SEMA4G: variants seen among roughly 807,000 people sequenced by gnomAD.
SEMA4G encodes semaphorin 4G.
SEMA4G carries 59 observed loss-of-function variants against 81.2 expected under a neutral mutation model. The ratio of observed to expected loss-of-function variants is 0.73; its 90% CI spans 0.59 to 0.90. The LOEUF (loss-of-function observed/expected upper bound fraction) is 0.90. Among genes scored for constraint, SEMA4G ranks in the 40% least tolerant of loss-of-function variants. SEMA4G has a pLI of 0.00. For missense variants in SEMA4G, 952 were observed against 1,102.3 expected (o/e 0.86, Z 1.93); for synonymous variants, 404 against 433.9 (o/e 0.93, Z 0.86).
exon 14 of SEMA4G, chr10:100,984,229 C>T (rs2133908809): frequency 2.0e-6 from 3 of 1,474,458 alleles, no homozygotes; most frequent in Non-Finnish European, 2.7e-6. Context: ...TCATTACCCC[C>T]ACTCCATACC....
chr10:100,977,505 C>T, intron 3 of SEMA4G, 127 bp from the exon 5 acceptor site: 1 of 743,484 alleles, frequency 1.3e-6, no homozygotes, highest in Non-Finnish European at 2.4e-6. Context: ...TGAGAAGGAT[C>T]ACAGGTATCT....
chr10:100,978,230 C>G lies in SEMA4G; in HGVS notation c.436-65C>G. On this transcript the variant is annotated intron_variant, in intron 4 of 13. Transcript: ENST00000370250. ...CGCTGATCCCTGACCCCAGACTGAT[C>G]TGACTTTGAGCCACTGTCCCTGCCT... 6 of 1,234,416 alleles carry G rather than the reference C, an allele frequency of 4.9e-6. No homozygotes were observed. The South Asian group carries it at 5.1e-5, about 11-fold the overall frequency. The allele number at this position is 1,234,416 out of a possible 1,614,324, so 76.5% of individuals were successfully genotyped here. A position where few individuals can be genotyped will look rare whatever the true frequency, so the allele number is the denominator to read the frequency against.
At chr10:100,979,452 G>A (rs1245955091) in intron 8 of SEMA4G, 181 bp downstream of exon 9, 17 of 1,465,594 alleles carry the variant, frequency 1.2e-5, no homozygotes, top group Middle Eastern at 2.5e-4. Context: ...GCGCGATCTC[G>A]GCTCACTGCA....
At chr10:100,984,756 T>G (rs897779980) in exon 14 of SEMA4G, 19 of 1,535,904 alleles carry the variant, frequency 1.2e-5, no homozygotes, top group African/African-American at 8.2e-5. Flanking sequence ...CCCAGCCCCA[T>G]GTGGTGACCT....
At chr10:100,983,647 T>C (rs752430522) in exon 14 of SEMA4G, 1 of 1,613,716 alleles carries the variant, frequency 6.2e-7, no homozygotes, top group Non-Finnish European at 8.5e-7. Flanking sequence ...CTGCTCTATG[T>C]GCTAGCCATT....
intron 8 of SEMA4G, 101 bp from the exon 10 acceptor site, chr10:100,979,747 T>G (rs1850966920): frequency 7.3e-7 from 1 of 1,369,772 alleles, no homozygotes. Context: ...GGACTATAGC[T>G]GGGGTTGGCC....
chr10:100,974,502 GA>G (rs1359225098), intron 3 of SEMA4G, among the ~76,000 whole-genome samples: 1 of 152,132 alleles, frequency 6.6e-6, no homozygotes, highest in Non-Finnish European at 1.5e-5. Context: ...AACCTCTACA[GA>G]TGCTTACTTA....
At chr10:100,983,530 T>G in exon 14 of SEMA4G, 1 of 1,614,106 alleles carries the variant, frequency 6.2e-7, no homozygotes, top group East Asian at 2.2e-5. Flanking sequence ...GAAAATGGCC[T>G]CCGCACCCTG....
exon 14 of SEMA4G, chr10:100,984,369 C>T: frequency 6.9e-7 from 1 of 1,446,430 alleles, no homozygotes; most frequent in Non-Finnish European, 9.0e-7. Flanking sequence ...TAGGTGCTCC[C>T]TCAGGATCAG....
intron 8 of SEMA4G, 80 bp from the exon 10 acceptor site, chr10:100,979,768 T>G: frequency 2.6e-6 from 4 of 1,552,006 alleles, no homozygotes; most frequent in Non-Finnish European, 2.6e-6. Context: ...AGGGTAACAG[T>G]GAGCTTCAGG....
At chr10:100,971,782 C>T (rs115480496), upstream of SEMA4G, among the ~76,000 whole-genome samples, 810 of 152,234 alleles carry the variant, frequency 5.3e-3, 8 homozygotes, top group African/African-American at 0.018. Flanking sequence ...CAAGATGTGT[C>T]GGGAGGGGCC....
rs375866903 is a variant in SEMA4G at position 100,981,414 on chromosome 10, A to C, written c.1690+185A>C. ...AACATTTACTGCCCAAATGAATTATAAACTAGGAAACATATTTAAGATGTG... is the reference window on the plus strand; with the variant it reads ...AACATTTACTGCCCAAATGAATTATCAACTAGGAAACATATTTAAGATGTG... On this transcript the variant is annotated intron_variant, in intron 13 of 13. Coordinates refer to ENST00000370250, the Ensembl canonical transcript of SEMA4G. The C allele has an allele frequency of 8.1e-6, 13 of 1,613,632 alleles. No individual in the cohort carries two copies. The Admixed American group carries it at 1.8e-4, about 23-fold the overall frequency.
intron 9 of SEMA4G, 60 bp downstream of exon 10, chr10:100,980,052 G>A: frequency 1.2e-6 from 2 of 1,613,694 alleles, no homozygotes; most frequent in Non-Finnish European, 1.7e-6. Context: ...GGGTCAAAGG[G>A]TCTGGCCTTG....
At position 100,972,758 on chromosome 10, in the gene SEMA4G, A is replaced by G. The variant is rs1850668057; in HGVS notation, c.-155A>G. On this transcript the variant is annotated 5_prime_UTR_variant, in exon 1 of 14. It removes an upstream start codon present in the reference 5' UTR. Coordinates refer to ENST00000370250, the Ensembl canonical transcript of SEMA4G. ...CGATTCCAGGACCCCCCATGGCCCC[A>G]TGATTCCTTGACTCCTATGACCTTA... The G allele has an allele frequency of 3.2e-6, 2 of 631,350 alleles. No individual in the cohort carries two copies. Among genetic ancestry groups the G allele is most frequent in the East Asian group, 3.1e-5 (1 of 32,436 alleles). The allele number at this position is 631,350 out of a possible 1,614,324, so 39.1% of individuals were successfully genotyped here. A position where few individuals can be genotyped will look rare whatever the true frequency, so the allele number is the denominator to read the frequency against.
Position 100,983,709 on chromosome 10 carries a change from G to A in SEMA4G, c.2095G>A (p.Ala699Thr), listed in dbSNP as rs887229636. Residue 699 changes from alanine (A) to threonine (T), a missense_variant, in exon 14 of 14, where the codon GCC becomes ACC. Ala to Thr is a moderately conservative substitution (Grantham distance 58). This residue lies in a region of SEMA4G where 385 missense variants were observed against 413.5 expected (regional missense o/e 0.93). Coordinates refer to ENST00000370250, the Ensembl canonical transcript of SEMA4G. ...CCTGGCCTCCTCCCTCCTCTATGTG[G>A]CCTGTCTGCGGGAAGGCAGACGAGG... 15 of 1,613,514 alleles carry A rather than the reference G, an allele frequency of 9.3e-6. No homozygotes were observed. The East Asian group carries it at 3.3e-4, about 36-fold the overall frequency.
chr10:100,970,113 T>C (rs758438827), upstream of SEMA4G, among the ~76,000 whole-genome samples: 4 of 152,194 alleles, frequency 2.6e-5, no homozygotes, highest in Admixed American at 6.5e-5. Flanking sequence ...TTGATCCTGT[T>C]TGAAGGGTCT....
intron 8 of SEMA4G, 100 bp downstream of exon 9, chr10:100,979,371 G>C (rs1850945289): frequency 1.3e-6 from 2 of 1,596,360 alleles, no homozygotes; most frequent in Admixed American, 1.7e-5. Flanking sequence ...GGGGAGGTCT[G>C]GCTGCAAAGT....
exon 14 of SEMA4G, chr10:100,983,954 C>A (rs765317734): frequency 6.4e-7 from 1 of 1,561,240 alleles, no homozygotes; most frequent in East Asian, 2.5e-5. Context: ...TGACCAATGG[C>A]TTGGTGGCAC....
chr10:100,981,064 G>T, intron 12 of SEMA4G, 67 bp downstream of exon 13: 1 of 1,601,776 alleles, frequency 6.2e-7, no homozygotes, highest in African/African-American at 1.3e-5. Flanking sequence ...GATAGCTACT[G>T]GGGGAGTGCA....
Sources: allele counts gnomAD v4.1 joint callset (sites outside exome capture counted in the v4.1 genomes callset), GRCh38; gene constraint gnomAD v4.1.1; regional missense constraint gnomAD v4.1.1; transcripts MANE v1.5; gene names NCBI Gene and HGNC (gene_info 2026-07-23, HGNC 2026-07-21).